Variants in BTBD9 observed in about 807,000 individuals in gnomAD.
BTBD9 encodes BTB/POZ domain-containing protein 9.
In BTBD9, 49 loss-of-function variants were observed where a neutral mutation model predicts 64.3. That is an observed-to-expected ratio of 0.76 (90% CI 0.61 to 0.97). BTBD9 has a LOEUF of 0.97. Ranked by LOEUF, BTBD9 falls within the 50% of genes least tolerant of loss-of-function variation. BTBD9 has a pLI of 0.00. For synonymous variants in BTBD9, 260 were observed against 274.7 expected, an observed-to-expected ratio of 0.95 and a Z score of 0.53; for missense variants, 598 against 762.1, an observed-to-expected ratio of 0.78 and a Z score of 2.53.
chr6:38,606,874 C>T (rs769803074), intron 1 of BTBD9, among the ~76,000 whole-genome samples: 12 of 152,062 alleles, frequency 7.9e-5, no homozygotes, highest in Non-Finnish European at 1.2e-4. Flanking sequence ...CAATCACATA[C>T]CCAATAAGTA....
intron 6 of BTBD9, among the ~76,000 whole-genome samples, chr6:38,565,305 G>C (rs1775443705): frequency 6.6e-6 from 1 of 152,108 alleles, no homozygotes; most frequent in Non-Finnish European, 1.5e-5. Flanking sequence ...GAGATGTCCT[G>C]TGCATTGTAA....
intron 6 of BTBD9, among the ~76,000 whole-genome samples, chr6:38,453,711 T>C (rs1769661266): frequency 6.6e-6 from 1 of 152,194 alleles, no homozygotes; most frequent in Non-Finnish European, 1.5e-5. Context: ...CATTCTCTTA[T>C]GATCTCAACT....
chr6:38,335,774 C>A (rs771712795), intron 7 of BTBD9, among the ~76,000 whole-genome samples: 11 of 152,062 alleles, frequency 7.2e-5, no homozygotes, highest in Non-Finnish European at 1.3e-4. Context: ...CACTCTGTTG[C>A]CCAGGCTGGA....
At chr6:38,489,123 T>C (rs1771586574) in intron 6 of BTBD9, among the ~76,000 whole-genome samples, 1 of 152,170 alleles carries the variant, frequency 6.6e-6, no homozygotes, top group African/African-American at 2.4e-5. Flanking sequence ...CTTGAATTCC[T>C]GGGCTCAAGT....
chr6:38,494,570 C>T (rs993411060), intron 6 of BTBD9, among the ~76,000 whole-genome samples: 2 of 152,160 alleles, frequency 1.3e-5, no homozygotes, highest in Non-Finnish European at 2.9e-5. Context: ...GCCTGATATA[C>T]ATCATGATGA....
chr6:38,305,945 T>C (rs991410705), intron 7 of BTBD9, among the ~76,000 whole-genome samples: 2 of 152,252 alleles, frequency 1.3e-5, no homozygotes, highest in African/African-American at 4.8e-5. Context: ...AATTGTGTTA[T>C]GAATTTTTCT....
chr6:38,560,353 C>T (rs1170569511), intron 6 of BTBD9, among the ~76,000 whole-genome samples: 1 of 152,010 alleles, frequency 6.6e-6, no homozygotes, highest in East Asian at 1.9e-4. Context: ...AAATCAAAAC[C>T]ACAATGCGAT....
chr6:38,375,511 A>G (rs1739505697), intron 6 of BTBD9, among the ~76,000 whole-genome samples: 1 of 152,226 alleles, frequency 6.6e-6, no homozygotes, highest in African/African-American at 2.4e-5. Context: ...TATTAAAGTC[A>G]GACAGCTGAG....
At chr6:38,635,645 C>T (rs1173221834) in intron 1 of BTBD9, among the ~76,000 whole-genome samples, 1 of 152,028 alleles carries the variant, frequency 6.6e-6, no homozygotes, top group African/African-American at 2.4e-5. Context: ...GCCCCCTTCC[C>T]TCTCTCTCTC....
intron 6 of BTBD9, among the ~76,000 whole-genome samples, chr6:38,449,844 G>C (rs1479278228): frequency 6.6e-6 from 1 of 152,078 alleles, no homozygotes; most frequent in Non-Finnish European, 1.5e-5. Flanking sequence ...AAACAGAGGG[G>C]GAAAGCTCCA....
At chr6:38,358,823 C>G in intron 6 of BTBD9, among the ~76,000 whole-genome samples, 1 of 150,854 alleles carries the variant, frequency 6.6e-6, no homozygotes, top group Non-Finnish European at 1.5e-5. Flanking sequence ...GGACTGCGGA[C>G]TGCAGTGGCG....
intron 6 of BTBD9, among the ~76,000 whole-genome samples, chr6:38,441,698 T>G (rs1769042799): frequency 6.6e-6 from 1 of 152,204 alleles, no homozygotes; most frequent in Non-Finnish European, 1.5e-5. Flanking sequence ...ATTAAAGGCA[T>G]GAGCCACCAC....
At chr6:38,270,336 AC>A (rs527947986) in intron 8 of BTBD9, among the ~76,000 whole-genome samples, 1,386 of 126,828 alleles carry the variant, frequency 0.011, 7 homozygotes, top group Non-Finnish European at 0.016. Flanking sequence ...CTTACCCCCC[AC>A]CCCCCACTAC....
intron 6 of BTBD9, among the ~76,000 whole-genome samples, chr6:38,502,699 GCA>G (rs770218875): frequency 1.3e-5 from 2 of 152,190 alleles, no homozygotes; most frequent in Non-Finnish European, 2.9e-5. Flanking sequence ...TCATTAATGA[GCA>G]CACTGTGCCC....
At chr6:38,283,262 C>T (rs552443671) in intron 8 of BTBD9, among the ~76,000 whole-genome samples, 1 of 152,218 alleles carries the variant, frequency 6.6e-6, no homozygotes, top group Non-Finnish European at 1.5e-5. Context: ...GAAGAAATGG[C>T]TTCTGTGGAT....
At chr6:38,441,561 C>T (rs1000195034) in intron 6 of BTBD9, among the ~76,000 whole-genome samples, 4 of 152,050 alleles carry the variant, frequency 2.6e-5, no homozygotes, top group Admixed American at 6.5e-5. Flanking sequence ...TACAGGCACC[C>T]GCTACCGTGC....
chr6:38,487,417 C>T (rs11752456), intron 6 of BTBD9, among the ~76,000 whole-genome samples: 31,649 of 151,682 alleles, frequency 0.21, 3,607 homozygotes, highest in Non-Finnish European at 0.24. Context: ...CCCAGCTCTA[C>T]AAAAAATACA....
At chr6:38,309,741 A>G (rs1463550709) in intron 7 of BTBD9, among the ~76,000 whole-genome samples, 1 of 151,988 alleles carries the variant, frequency 6.6e-6, no homozygotes, top group Non-Finnish European at 1.5e-5. Context: ...CGATCCTTTA[A>G]TAAAGAATAA....
chr6:38,579,731 C>T (rs944675731), intron 5 of BTBD9, among the ~76,000 whole-genome samples: 4 of 152,036 alleles, frequency 2.6e-5, no homozygotes, highest in South Asian at 4.2e-4. Flanking sequence ...TGGTAGAATA[C>T]AAAACGACTA....
Sources: allele counts gnomAD v4.1 joint callset (sites outside exome capture counted in the v4.1 genomes callset), GRCh38; gene constraint gnomAD v4.1.1; transcripts MANE v1.5; gene names NCBI Gene and HGNC (gene_info 2026-07-23, HGNC 2026-07-21).